C3orf33: variants seen among roughly 807,000 people sequenced by gnomAD.
The protein encoded by C3orf33 is AP-1 activity suppressor.
A neutral mutation model predicts 28.7 loss-of-function variants in C3orf33; 23 were observed. The observed-to-expected ratio is 0.80, with a 90% CI of 0.58 to 1.13. The LOEUF (loss-of-function observed/expected upper bound fraction) is 1.13, where lower values mean the gene tolerates loss of function less well. Ranked by LOEUF, C3orf33 falls within the 50% of genes most tolerant of loss-of-function variation. The pLI is 0.00. For missense variants in C3orf33, 327 were observed against 353.4 expected (o/e 0.93, Z 0.60); for synonymous variants, 119 against 120.5 (o/e 0.99, Z 0.08).
At chr3:155,796,513 A>G (rs1311172197) in intron 2 of C3orf33, among the ~76,000 whole-genome samples, 1 of 152,216 alleles carries the variant, frequency 6.6e-6, no homozygotes, top group African/African-American at 2.4e-5. Context: ...AAGTAATGAT[A>G]TCAAAGCTGT....
chr3:155,798,658 A>G (rs983274763), intron 2 of C3orf33, among the ~76,000 whole-genome samples: 2 of 152,176 alleles, frequency 1.3e-5, no homozygotes, highest in African/African-American at 4.8e-5. Context: ...ACCTCAAACT[A>G]TAACTCTCCT....
In C3orf33 at chr3:155,806,235, C is replaced by A. The variant is rs1473275679; in HGVS notation, c.18G>T (p.Ala6=). 4.1e-6 allele frequency: 6 copies of A among 1,465,326 alleles called. No homozygotes were observed. Among genetic ancestry groups the A allele is most frequent in the Non-Finnish European group, 5.4e-6 (6 of 1,107,366 alleles). 90.8% of individuals were successfully genotyped at this position (1,465,326 alleles called of 1,614,324 possible). A position where few individuals can be genotyped will look rare whatever the true frequency, so the allele number is the denominator to read the frequency against. ...TGTCGGCAGACGGCGAGCCGGTGGC[C>A]GCGGGCTGCCCCGCCATGTTCCCGG... MAGQP[A]ATGSPSADKD... is the part of the protein sequence containing the mutation. The change falls in exon 1 of 5, where the codon GCG becomes GCT. Residue 6 remains alanine, a synonymous_variant. Coordinates refer to ENST00000340171, the MANE Select transcript of C3orf33 (RefSeq NM_001308229.2).
At chr3:155,800,272 T>C (rs1751601479) in intron 2 of C3orf33, among the ~76,000 whole-genome samples, 1 of 151,898 alleles carries the variant, frequency 6.6e-6, no homozygotes, top group South Asian at 2.1e-4. Flanking sequence ...AATTTAAAAC[T>C]TGCACATCAA....
intron 2 of C3orf33, among the ~76,000 whole-genome samples, chr3:155,801,793 C>T (rs1160964215): frequency 6.6e-6 from 1 of 152,118 alleles, no homozygotes; most frequent in Admixed American, 6.6e-5. Context: ...TCTTGTTGCC[C>T]AGGCTGGAAT....
intron 3 of C3orf33, among the ~76,000 whole-genome samples, chr3:155,770,982 G>GTGTGTGTGTT (rs1750566151): frequency 6.9e-6 from 1 of 145,540 alleles, no homozygotes; most frequent in African/African-American, 2.5e-5. Context: ...GTGTGTGTGT[G>GTGTGTGTGTT]TGTGTGTGTG....
At chr3:155,782,971 T>A (rs527536283) in intron 2 of C3orf33, among the ~76,000 whole-genome samples, 84 of 152,258 alleles carry the variant, frequency 5.5e-4, no homozygotes, top group African/African-American at 2.0e-3. Context: ...AATCTGAAAC[T>A]TTTTGAGTGC....
At chr3:155,787,495 G>T (rs1242888763) in intron 2 of C3orf33, among the ~76,000 whole-genome samples, 1 of 151,816 alleles carries the variant, frequency 6.6e-6, no homozygotes, top group Non-Finnish European at 1.5e-5. Context: ...GGGACTACAG[G>T]TGCACGCTGC....
At chr3:155,789,128 C>T (rs139652391) in intron 2 of C3orf33, among the ~76,000 whole-genome samples, 2,752 of 152,098 alleles carry the variant, frequency 0.018, 69 homozygotes, top group African/African-American at 0.063. Context: ...GGGTGGATCA[C>T]GAGGTCAGGA....
chr3:155,804,823 T>C (rs1468903687), intron 1 of C3orf33, among the ~76,000 whole-genome samples: 1 of 152,230 alleles, frequency 6.6e-6, no homozygotes, highest in Non-Finnish European at 1.5e-5. Flanking sequence ...CAATGTTCTA[T>C]GTCAGGTTCT....
chr3:155,771,643 T>C (rs1370799658), intron 3 of C3orf33, among the ~76,000 whole-genome samples: 1 of 152,174 alleles, frequency 6.6e-6, no homozygotes, highest in Admixed American at 6.6e-5. Flanking sequence ...GGGATCCTCC[T>C]GCTACAGCCT....
chr3:155,764,355 C>G (rs186800622), intron 4 of C3orf33, among the ~76,000 whole-genome samples: 84 of 152,264 alleles, frequency 5.5e-4, no homozygotes, highest in African/African-American at 1.9e-3. Context: ...CATCACTGAA[C>G]TGTTAAATTA....
intron 3 of C3orf33, among the ~76,000 whole-genome samples, chr3:155,769,852 T>A (rs1327295213): frequency 6.6e-6 from 1 of 152,228 alleles, no homozygotes; most frequent in African/African-American, 2.4e-5. Flanking sequence ...ATGGAGTGGA[T>A]AGAGAGCCTC....
chr3:155,763,623 T>G lies in C3orf33; in HGVS notation c.779A>C (p.Lys260Thr). The change falls in exon 5 of 5, where the codon AAA becomes ACA. Residue 260 changes from lysine (K) to threonine (T), a missense_variant. Coordinates refer to ENST00000340171, the MANE Select transcript of C3orf33 (RefSeq NM_001308229.2). ...FSLKKESYYE[K>T]LKRTYEIWKD... ...CCATATTTCATAAGTCCTTTTAAGT[T>G]TTTCATAATAACTTTCTTTTTTCAA... 6.3e-7 allele frequency: 1 copy of G among 1,595,030 alleles called. No homozygotes were observed. The highest frequency in any genetic ancestry group is 8.5e-7 in the Non-Finnish European group (1 of 1,175,274).
chr3:155,792,451 A>G (rs1020455382), intron 2 of C3orf33, among the ~76,000 whole-genome samples: 2 of 152,166 alleles, frequency 1.3e-5, no homozygotes, highest in African/African-American at 4.8e-5. Context: ...CATCAAGAAT[A>G]TACATGAAAA....
chr3:155,777,302 G>A (rs191687926), intron 2 of C3orf33, among the ~76,000 whole-genome samples: 213 of 150,896 alleles, frequency 1.4e-3, no homozygotes, highest in African/African-American at 3.0e-3. Flanking sequence ...CAACAAGAGC[G>A]AAACTCTGTC....
chr3:155,771,034 T>TGTGTGTGA (rs1553770190), intron 3 of C3orf33, among the ~76,000 whole-genome samples: 17 of 148,098 alleles, frequency 1.1e-4, no homozygotes, highest in African/African-American at 4.2e-4. Flanking sequence ...TGTGTGTGTG[T>TGTGTGTGA]GTGTGTGTGT....
intron 3 of C3orf33, among the ~76,000 whole-genome samples, chr3:155,769,001 C>T (rs555896179): frequency 5.5e-4 from 84 of 152,162 alleles, no homozygotes; most frequent in African/African-American, 2.0e-3. Flanking sequence ...CATGGTGAAA[C>T]CCCATCTCTA....
At chr3:155,764,855 C>T (rs1029602813) in intron 4 of C3orf33, among the ~76,000 whole-genome samples, 17 of 151,902 alleles carry the variant, frequency 1.1e-4, no homozygotes, top group Admixed American at 1.1e-3. Context: ...GACTCCATCT[C>T]GGGAAAATAA....
rs191785719 is a variant in C3orf33 at position 155,771,558 on chromosome 3, C to T, written c.323-3889G>A. Among the ~76,000 whole-genome samples the T allele has an allele frequency of 1.4e-3, 207 of 152,088 alleles. 1 individual carries two copies. Among genetic ancestry groups the T allele is most frequent in the African/African-American group, 4.8e-3 (200 of 41,508 alleles). ...GCTGGATTACAGGTATGAGCCATTGCTAATTTAAATTTTTTGTGTGTGGAG... is the reference window on the plus strand; with the variant it reads ...GCTGGATTACAGGTATGAGCCATTGTTAATTTAAATTTTTTGTGTGTGGAG... On this transcript the variant is annotated intron_variant, in intron 3 of 4. Transcript: ENST00000340171.
Sources: gnomAD v4.1 joint callset for allele counts (sites outside exome capture counted in the v4.1 genomes callset) on GRCh38, gnomAD v4.1.1 for gene constraint, MANE v1.5 for transcripts, NCBI Gene and HGNC (gene_info 2026-07-23, HGNC 2026-07-21) for gene names.